The following HOATZ variants were observed in gnomAD, a reference collection of about 807,000 sequenced individuals.
HOATZ encodes HOATZ cilia and flagella associated protein.
HOATZ carries 26 observed loss-of-function variants against 24.9 expected under a neutral mutation model. The ratio of observed to expected loss-of-function variants is 1.04; its 90% confidence interval spans 0.76 to 1.45. HOATZ has a LOEUF of 1.45. Among genes scored for constraint, HOATZ ranks in the 40% most tolerant of loss-of-function variants. The pLI, the probability that HOATZ is intolerant of heterozygous loss-of-function variation, is 0.00. For synonymous variants in HOATZ, 83 were observed against 76.6 expected, an observed-to-expected ratio of 1.08 and a Z score of -0.43; for missense variants, 226 against 201.5, an observed-to-expected ratio of 1.12 and a Z score of -0.74.
chr11:111,515,637 C>A, intron 2 of HOATZ, 85 bp downstream of exon 2: 1 of 1,154,794 alleles, frequency 8.7e-7, no homozygotes, highest in Non-Finnish European at 1.3e-6. Context: ...TACTACTTTA[C>A]ACTGTGGTAT....
intron 5 of HOATZ, 40 bp from the exon 6 acceptor site, chr11:111,536,730 A>G: frequency 2.0e-6 from 3 of 1,470,614 alleles, no homozygotes; most frequent in South Asian, 1.1e-5. Flanking sequence ...ACAATGGCGG[A>G]GTTCTGTGTA....
intron 5 of HOATZ, chr11:111,534,989 G>A (rs1409663563): frequency 6.6e-6 from 1 of 152,274 alleles, no homozygotes; most frequent in Non-Finnish European, 1.5e-5. Flanking sequence ...AAATAAGTAA[G>A]CAACAGTTAA....
intron 1 of HOATZ, 134 bp from the exon 2 acceptor site, chr11:111,515,377 C>T: frequency 1.4e-6 from 1 of 696,038 alleles, no homozygotes; most frequent in South Asian, 1.8e-5. Context: ...AATGAACTTC[C>T]TGGACCTGTG....
intron 3 of HOATZ, among the ~76,000 whole-genome samples, chr11:111,522,822 T>TAA (rs35297664): frequency 6.8e-6 from 1 of 146,920 alleles, no homozygotes; most frequent in Non-Finnish European, 1.5e-5. Flanking sequence ...GGAAAGTGGT[T>TAA]AAAAAAAAAA....
intron 3 of HOATZ, 121 bp downstream of exon 3, chr11:111,516,231 G>T: frequency 1.8e-6 from 1 of 545,586 alleles, no homozygotes; most frequent in Non-Finnish European, 3.2e-6. Flanking sequence ...AGCAAATTAA[G>T]GAAACCTTTA....
intron 3 of HOATZ, among the ~76,000 whole-genome samples, chr11:111,518,242 A>T (rs1867230362): frequency 6.6e-6 from 1 of 152,226 alleles, no homozygotes; most frequent in Non-Finnish European, 1.5e-5. Flanking sequence ...ACAGTAAGGC[A>T]GTGGGAAAGA....
chr11:111,524,275 G>A (rs1020157426), intron 3 of HOATZ, among the ~76,000 whole-genome samples: 11 of 152,190 alleles, frequency 7.2e-5, no homozygotes, highest in Admixed American at 2.0e-4. Context: ...AGAAAAGAGT[G>A]GAAGTACATT....
At chr11:111,515,176 C>G in intron 1 of HOATZ, 166 bp downstream of exon 1, 1 of 616,564 alleles carries the variant, frequency 1.6e-6, no homozygotes, top group South Asian at 2.0e-5. Context: ...AACCCTTCCA[C>G]CCGAAAAGGA....
intron 3 of HOATZ, chr11:111,525,072 T>C (rs756708399): frequency 4.9e-5 from 15 of 304,872 alleles, no homozygotes; most frequent in Admixed American, 9.1e-5. Context: ...GGTTTTGCCA[T>C]GTTGCCCAGG....
chr11:111,523,420 A>G (rs1430553204), intron 3 of HOATZ, among the ~76,000 whole-genome samples: 1 of 152,206 alleles, frequency 6.6e-6, no homozygotes, highest in Non-Finnish European at 1.5e-5. Flanking sequence ...AGAAACACAC[A>G]TAAAACAAGG....
At position 111,515,444 on chromosome 11, in the gene HOATZ, A is replaced by T. The variant is rs551189239; in HGVS notation, c.227-67A>T. 54 of 1,341,790 alleles carry T rather than the reference A, an allele frequency of 4.0e-5. No homozygotes were observed. The African/African-American group carries it at 6.9e-4, about 17-fold the overall frequency. 83.1% of individuals were successfully genotyped at this position (1,341,790 alleles called of 1,614,324 possible). On this transcript the variant is annotated intron_variant, in intron 1 of 5. Transcript: ENST00000375618. The stretch of plus-strand genomic sequence containing the variant: ...GTTATGCAATTGTTATAGTATAAAA[A>T]ATTCAAACGCCTTTAATGTTGTTGA...
rs184466782 is a variant in HOATZ, at chr11:111,535,541, T to C, written c.452+1077T>C. The C allele has an allele frequency of 2.0e-5, 3 of 152,390 alleles. No homozygotes were observed. In the East Asian group the frequency reaches 5.8e-4, roughly 29 times the overall value. 9.4% of individuals were successfully genotyped at this position (152,390 alleles called of 1,614,324 possible). A position where few individuals can be genotyped will look rare whatever the true frequency, so the allele number is the denominator to read the frequency against. ...TCCCGGCTTGGACAGATAATTCTCT[T>C]AATAATTTAAATGCTTACTTAATTC... On this transcript the variant is annotated intron_variant, in intron 5 of 5. Transcript: ENST00000375618.
Position 111,514,899 on chromosome 11 carries a change from C to A in HOATZ, c.115C>A (p.Gln39Lys), listed in dbSNP as rs1321161800. The change falls in exon 1 of 6, where the codon CAG becomes AAG. Residue 39 changes from glutamine (Q) to lysine (K), a missense_variant. Coordinates refer to ENST00000375618, the MANE Select transcript of HOATZ (RefSeq NM_001100388.2). ...GGAACAAGATGCCAACTTGGCTAAG[C>A]AGTTCTGGATCTCGGCGTCGATGTA... is the stretch of plus-strand genomic sequence containing the variant. Reference protein sequence around the residue: ...SSEQDANLAKQFWISASMYPP... With the variant: ...SSEQDANLAKKFWISASMYPP... The A allele has an allele frequency of 6.2e-7, 1 of 1,614,150 alleles. No individual in the cohort carries two copies. The highest frequency in any genetic ancestry group is 1.1e-5 in the South Asian group (1 of 91,084).
intron 3 of HOATZ, 64 bp from the exon 4 acceptor site, chr11:111,533,682 C>A: frequency 2.7e-6 from 3 of 1,112,534 alleles, no homozygotes; most frequent in East Asian, 2.5e-5. Flanking sequence ...AAGAATTCTA[C>A]CTTTCGTAGG....
rs1367332778 is a variant in HOATZ, at chr11:111,514,874, G to A, written c.90G>A (p.Ser30=). Residue 30 remains serine (S), a synonymous_variant, in exon 1 of 6, where the codon TCG becomes TCA. Coordinates refer to ENST00000375618, the MANE Select transcript of HOATZ (RefSeq NM_001100388.2). ...PPGLLVFAGS[S]EQDANLAKQF... is the part of the protein sequence containing the mutation. ...GATTACTGGTATTTGCTGGCTCCTC[G>A]GAACAAGATGCCAACTTGGCTAAGC... 1 of 1,614,132 alleles carries A rather than the reference G, an allele frequency of 6.2e-7. No homozygotes were observed. The highest frequency in any genetic ancestry group is 8.5e-7 in the Non-Finnish European group (1 of 1,180,022).
chr11:111,526,787 CCTT>C, intron 3 of HOATZ: 1 of 152,140 alleles, frequency 6.6e-6, no homozygotes, highest in Non-Finnish European at 1.5e-5. Flanking sequence ...CCTAACCTCT[CCTT>C]CTTAAGTCAT....
chr11:111,530,986 C>T (rs187356636), intron 3 of HOATZ, among the ~76,000 whole-genome samples: 98 of 152,082 alleles, frequency 6.4e-4, no homozygotes, highest in African/African-American at 2.3e-3. Flanking sequence ...TATTTAAAGG[C>T]ACCAAAGTCC....
At chr11:111,522,734 AT>A (rs1867283538) in intron 3 of HOATZ, among the ~76,000 whole-genome samples, 1 of 152,098 alleles carries the variant, frequency 6.6e-6, no homozygotes, top group Non-Finnish European at 1.5e-5. Context: ...TTATGTGCAA[AT>A]TTGCCTACTA....
chr11:111,534,082 C>T (rs1233349909), intron 4 of HOATZ, among the ~76,000 whole-genome samples: 1 of 152,206 alleles, frequency 6.6e-6, no homozygotes, highest in Non-Finnish European at 1.5e-5. Flanking sequence ...AAGATATTAA[C>T]ATGGGCTATT....
Sources: allele counts gnomAD v4.1 joint callset (sites outside exome capture counted in the v4.1 genomes callset), GRCh38; gene constraint gnomAD v4.1.1; transcripts MANE v1.5; gene names NCBI Gene and HGNC (gene_info 2026-07-23, HGNC 2026-07-21).